The following CSN1S1 variants were observed in gnomAD, a reference collection of about 807,000 sequenced individuals.
CSN1S1 encodes casein alpha s1, also known as alpha-S1-casein.
A neutral mutation model predicts 49.1 loss-of-function variants in CSN1S1; 63 were observed. The ratio of observed to expected loss-of-function variants is 1.28; its 90% CI spans 1.05 to 1.58. The LOEUF (loss-of-function observed/expected upper bound fraction) is 1.58, where lower values mean the gene tolerates loss of function less well. Ranked by LOEUF, CSN1S1 falls within the 40% of genes most tolerant of loss-of-function variation. The pLI, the probability that CSN1S1 is intolerant of heterozygous loss-of-function variation, is 0.00. For synonymous variants in CSN1S1, 78 were observed against 67.1 expected (o/e 1.16, Z -0.79); for missense variants, 260 against 224.7 (o/e 1.16, Z -1.01).
At chr4:69,937,239 G>A in intron 8 of CSN1S1, 95 bp downstream of exon 8, 1 of 895,036 alleles carries the variant, frequency 1.1e-6, no homozygotes, top group Admixed American at 2.9e-5. Context: ...TAAAAACTAT[G>A]GCAGATAACT....
intron 3 of CSN1S1, 115 bp from the exon 4 acceptor site, chr4:69,934,575 G>A: frequency 1.1e-6 from 1 of 895,434 alleles, no homozygotes; most frequent in Non-Finnish European, 1.8e-6. Flanking sequence ...GGTCTCATTT[G>A]ATATGTTGAA....
rs1723160445 is a variant in CSN1S1, at chr4:69,946,174, ATATTTC to A, written c.*-10_*-5del. The A allele has an allele frequency of 5.6e-6, 3 of 532,358 alleles. No homozygotes were observed. The highest frequency in any genetic ancestry group is 1.9e-5 in the African/African-American group (1 of 51,300). The allele number at this position is 532,358 out of a possible 1,614,324, so 33.0% of individuals were successfully genotyped here. A position where few individuals can be genotyped will look rare whatever the true frequency, so the allele number is the denominator to read the frequency against. On this transcript the variant is annotated splice_polypyrimidine_tract_variant and intron_variant, in intron 15 of 15. Transcript: ENST00000246891. ...AAAAATATTTAATATAACTCACCAC[ATATTTC>A]TATTTCTATTTACAGATATGATTGA...
intron 14 of CSN1S1, among the ~76,000 whole-genome samples, chr4:69,943,433 C>T (rs1723047386): frequency 1.3e-5 from 2 of 151,930 alleles, no homozygotes; most frequent in African/African-American, 4.8e-5. Context: ...GATCCACTCG[C>T]CTTGGCCTCC....
chr4:69,937,559 T>C (rs559443357), intron 8 of CSN1S1, among the ~76,000 whole-genome samples: 22 of 151,646 alleles, frequency 1.5e-4, no homozygotes, highest in African/African-American at 5.3e-4. Context: ...TAAAGGAAAA[T>C]GTAAACTTGT....
At chr4:69,936,375 G>A in intron 5 of CSN1S1, 81 bp from the exon 6 acceptor site, 2 of 1,034,692 alleles carry the variant, frequency 1.9e-6, no homozygotes, top group South Asian at 2.9e-5. Flanking sequence ...AGCACGATGT[G>A]AAGTACAGTT....
rs10028221 is a variant in CSN1S1, at chr4:69,936,671, T to C, written c.195+64T>C. The C allele has an allele frequency of 4.2e-4, 609 of 1,460,940 alleles. 4 individuals carry two copies. The African/African-American group carries it at 7.7e-3, about 19-fold the overall frequency. The allele number at this position is 1,460,940 out of a possible 1,614,324, so 90.5% of individuals were successfully genotyped here. On this transcript the variant is annotated intron_variant, in intron 7 of 15. Coordinates refer to ENST00000246891, the MANE Select transcript of CSN1S1 (RefSeq NM_001890.2). ...ATATTCTTGTAGTAGAAAAAAAGTT[T>C]TCCTTTAGGAAAAAAAAGCATTTTT... is the stretch of plus-strand genomic sequence containing the variant.
chr4:69,939,262 A>C lies in CSN1S1; in HGVS notation c.276+54A>C, dbSNP rs561507960. 185 of 1,327,950 alleles carry C rather than the reference A, an allele frequency of 1.4e-4. 2 individuals carry two copies. In the South Asian group the frequency reaches 1.8e-3, roughly 13 times the overall value. The allele number at this position is 1,327,950 out of a possible 1,614,324, so 82.3% of individuals were successfully genotyped here. A position where few individuals can be genotyped will look rare whatever the true frequency, so the allele number is the denominator to read the frequency against. ...CCCAACTAATTTAAAAAATTATGAA[A>C]ACTTGTACCGTGAGGATTACATATC... On this transcript the variant is annotated intron_variant, in intron 10 of 15. Transcript: ENST00000246891.
At chr4:69,938,351 T>C (rs1216623462) in intron 9 of CSN1S1, among the ~76,000 whole-genome samples, 1 of 151,752 alleles carries the variant, frequency 6.6e-6, no homozygotes, top group Admixed American at 6.6e-5. Context: ...GCAATACTAT[T>C]AGGTTGGTGC....
intron 8 of CSN1S1, among the ~76,000 whole-genome samples, 199 bp from the exon 9 acceptor site, chr4:69,937,601 C>T (rs533316675): frequency 2.8e-4 from 42 of 151,528 alleles, no homozygotes; most frequent in African/African-American, 8.5e-4. Context: ...TAGAAGAATC[C>T]GAAACGTTTT....
intron 5 of CSN1S1, 124 bp from the exon 6 acceptor site, chr4:69,936,332 C>G: frequency 1.3e-6 from 1 of 797,224 alleles, no homozygotes; most frequent in Non-Finnish European, 2.0e-6. Flanking sequence ...TTAGTTCATT[C>G]AGGAAAAATG....
intron 4 of CSN1S1, among the ~76,000 whole-genome samples, chr4:69,935,103 T>G (rs1722728488): frequency 6.6e-6 from 1 of 152,120 alleles, no homozygotes; most frequent in African/African-American, 2.4e-5. Context: ...TTTTTATTAT[T>G]TTTATAATTC....
At chr4:69,939,348 A>G in intron 10 of CSN1S1, 140 bp downstream of exon 10, 1 of 457,084 alleles carries the variant, frequency 2.2e-6, no homozygotes. Context: ...TTAGTATGTG[A>G]GTAGCTATCC....
chr4:69,944,826 CTTTTCAAATGT>C lies in CSN1S1; in HGVS notation c.403-18_403-8del, dbSNP rs760087966. On this transcript the variant is annotated splice_polypyrimidine_tract_variant and intron_variant, in intron 14 of 15. Coordinates refer to ENST00000246891, the MANE Select transcript of CSN1S1 (RefSeq NM_001890.2). ...AAAAGCAATTGCTCATACACTGTTG[CTTTTCAAATGT>C]TTTTCCCTCTAGCCTTTCCAGCAGC... The C allele has an allele frequency of 6.2e-7, 1 of 1,609,892 alleles. No homozygotes were observed. The highest frequency in any genetic ancestry group is 1.7e-5 in the Admixed American group (1 of 59,638).
At chr4:69,943,693 G>T (rs1055879325) in intron 14 of CSN1S1, among the ~76,000 whole-genome samples, 7 of 151,940 alleles carry the variant, frequency 4.6e-5, no homozygotes, top group East Asian at 1.9e-4. Flanking sequence ...AGTTGTGGAG[G>T]CTGTAAGTCC....
At chr4:69,943,817 C>A (rs1300565553) in intron 14 of CSN1S1, among the ~76,000 whole-genome samples, 2 of 152,098 alleles carry the variant, frequency 1.3e-5, no homozygotes, top group Middle Eastern at 3.4e-3. Flanking sequence ...AACAAACTCA[C>A]CCTTGCAACA....
intron 3 of CSN1S1, 86 bp downstream of exon 3, chr4:69,934,330 G>C: frequency 2.3e-6 from 3 of 1,310,820 alleles, no homozygotes; most frequent in South Asian, 2.5e-5. Flanking sequence ...CTATGAAACA[G>C]CCTGCTTCAC....
intron 1 of CSN1S1, 90 bp downstream of exon 1, chr4:69,931,207 C>A (rs924791856): frequency 6.6e-6 from 1 of 151,896 alleles, no homozygotes; most frequent in African/African-American, 2.4e-5. Flanking sequence ...TGTACCATTT[C>A]CATATGTTTG....
Position 69,944,941 on chromosome 4 carries a change from C to G in CSN1S1, c.494C>G (p.Ser165Cys). Residue 165 changes from serine to cysteine, a missense_variant, in exon 15 of 16, where the codon TCC becomes TGC. Physicochemically the swap from Ser to Cys is moderately radical, Grantham distance 112. Coordinates refer to ENST00000246891, the MANE Select transcript of CSN1S1 (RefSeq NM_001890.2). ...CAGTATGTTCCTTTCCCACCGTTTTCCGACATCTCCAATCCCACTGCTCAT... is the reference window on the plus strand; with the variant it reads ...CAGTATGTTCCTTTCCCACCGTTTTGCGACATCTCCAATCCCACTGCTCAT... Reference protein sequence around the residue: ...IMQYVPFPPFSDISNPTAHEN... With the variant: ...IMQYVPFPPFCDISNPTAHEN... The G allele has an allele frequency of 6.2e-7, 1 of 1,612,940 alleles. No homozygotes were observed. Among genetic ancestry groups the G allele is most frequent in the Non-Finnish European group, 8.5e-7 (1 of 1,179,308 alleles).
chr4:69,941,187 G>A, intron 12 of CSN1S1, 127 bp downstream of exon 12: 1 of 474,726 alleles, frequency 2.1e-6, no homozygotes, highest in Non-Finnish European at 3.7e-6. Flanking sequence ...TTCTAGCCTT[G>A]ACCAATAATT....
Sources: gnomAD v4.1 joint callset for allele counts (sites outside exome capture counted in the v4.1 genomes callset) on GRCh38, gnomAD v4.1.1 for gene constraint, MANE v1.5 for transcripts, NCBI Gene and HGNC (gene_info 2026-07-23, HGNC 2026-07-21) for gene names.